Variants in CUX2 observed in about 807,000 individuals in gnomAD.
The protein encoded by CUX2 is cut like homeobox 2, also known as homeobox protein cut-like 2.
Under a neutral mutation model 144.8 loss-of-function variants are expected in CUX2, and 40 were observed. The ratio of observed to expected loss-of-function variants is 0.28; its 90% CI spans 0.21 to 0.36. CUX2 has a LOEUF of 0.36. CUX2 is among the 10% of genes least tolerant of loss of function. CUX2 has a pLI of 1.00. For missense variants in CUX2, 1,615 were observed against 1,994.0 expected, an observed-to-expected ratio of 0.81 and a Z score of 3.62; for synonymous variants, 827 against 875.6, an observed-to-expected ratio of 0.94 and a Z score of 0.98.
At chr12:111,162,315 T>A (rs1455604056) in intron 1 of CUX2, among the ~76,000 whole-genome samples, 1 of 152,182 alleles carries the variant, frequency 6.6e-6, no homozygotes, top group Non-Finnish European at 1.5e-5. Flanking sequence ...GAGGTGGGGT[T>A]TCGTCCTTGG....
intron 2 of CUX2, among the ~76,000 whole-genome samples, chr12:111,216,973 A>C (rs1881569644): frequency 6.6e-6 from 1 of 151,854 alleles, no homozygotes; most frequent in Non-Finnish European, 1.5e-5. Flanking sequence ...TCCCATGGGG[A>C]TTACTGGTAA....
Position 111,350,497 on chromosome 12 carries a change from T to C in CUX2, c.*2172T>C, listed in dbSNP as rs909499769. 4 of 152,376 alleles carry C rather than the reference T, an allele frequency of 2.6e-5. No homozygotes were observed. In the South Asian group the frequency reaches 6.2e-4, roughly 24 times the overall value. The allele number at this position is 152,376 out of a possible 1,614,324, so 9.4% of individuals were successfully genotyped here. On this transcript the variant is annotated 3_prime_UTR_variant, in exon 22 of 22. Transcript: ENST00000261726. Reference sequence around the variant, plus strand: ...AGAGATTGATGAACTTTGTTTAAAATTTTAAAAAAAGGAACACGTTCTGTA... The same window carrying C: ...AGAGATTGATGAACTTTGTTTAAAACTTTAAAAAAAGGAACACGTTCTGTA...
At chr12:111,241,759 T>C (rs1431762043) in intron 3 of CUX2, among the ~76,000 whole-genome samples, 1 of 152,292 alleles carries the variant, frequency 6.6e-6, no homozygotes, top group Non-Finnish European at 1.5e-5. Context: ...TCTTCCATGA[T>C]ACTGATCATC....
At chr12:111,276,271 A>T (rs1884868064) in intron 4 of CUX2, among the ~76,000 whole-genome samples, 1 of 152,114 alleles carries the variant, frequency 6.6e-6, no homozygotes, top group Non-Finnish European at 1.5e-5. Context: ...GGAGGATCAC[A>T]TGAGCCCAAG....
intron 1 of CUX2, among the ~76,000 whole-genome samples, chr12:111,119,254 G>T (rs1874482738): frequency 2.6e-5 from 4 of 152,106 alleles, no homozygotes; most frequent in Admixed American, 1.3e-4. Context: ...GTGCATGCCA[G>T]TCCCCATCTA....
In CUX2 at chr12:111,197,695, G is replaced by A. The variant is rs927634321; in HGVS notation, c.64-16505G>A. ...TTAAATGGCTTCATCCAGCTGGAGC[G>A]TGGCTGTGGCTCAGGCCAGTCTAAG... On this transcript the variant is annotated intron_variant, in intron 1 of 21. Coordinates refer to ENST00000261726, the MANE Select transcript of CUX2 (RefSeq NM_015267.4). Among the ~76,000 whole-genome samples, 10 of 152,190 alleles carry A rather than the reference G, an allele frequency of 6.6e-5. No homozygotes were observed. The East Asian group carries it at 1.3e-3, about 21-fold the overall frequency.
At position 111,171,832 on chromosome 12, in the gene CUX2, C is replaced by T. The variant is rs570519192; in HGVS notation, c.64-42368C>T. On this transcript the variant is annotated intron_variant, in intron 1 of 21. Coordinates refer to ENST00000261726, the MANE Select transcript of CUX2 (RefSeq NM_015267.4). The surrounding 1 kb of genome is among the most constrained non-coding windows in gnomAD (Gnocchi z 5.0). Reference sequence around the variant, plus strand: ...GGGAAATTGGCCCTCTGTCTTCTCCCATCCAGATATGTGGGTCCTGGGCCT... The same window carrying T: ...GGGAAATTGGCCCTCTGTCTTCTCCTATCCAGATATGTGGGTCCTGGGCCT... Among the ~76,000 whole-genome samples the T allele has an allele frequency of 6.6e-6, 1 of 152,342 alleles. No individual in the cohort carries two copies. The highest frequency in any genetic ancestry group is 2.4e-5 in the African/African-American group (1 of 41,584).
intron 1 of CUX2, among the ~76,000 whole-genome samples, chr12:111,114,144 C>T: frequency 6.6e-6 from 1 of 152,284 alleles, no homozygotes; most frequent in East Asian, 1.9e-4. Flanking sequence ...GCATGTTTAA[C>T]TTTTTAAGAG....
In CUX2 at chr12:111,322,889, G is replaced by A. The variant is rs1243729410; in HGVS notation, c.2926+309G>A. Among the ~76,000 whole-genome samples, 2 of 152,336 alleles carry A rather than the reference G, an allele frequency of 1.3e-5. No individual in the cohort carries two copies. Among genetic ancestry groups the A allele is most frequent in the Admixed American group, 1.3e-4 (2 of 15,298 alleles). ...AGCAGGTGGAGAATGTGTTTTGCAT[G>A]TGGAGTCCCACATCTGGAATTGCTC... On this transcript the variant is annotated intron_variant, in intron 18 of 21. Transcript: ENST00000261726. The surrounding 1 kb of genome is among the most constrained non-coding windows in gnomAD (Gnocchi z 4.2).
At chr12:111,272,270 G>A (rs371242468) in intron 4 of CUX2, among the ~76,000 whole-genome samples, 6 of 152,058 alleles carry the variant, frequency 3.9e-5, no homozygotes, top group South Asian at 2.1e-4. Flanking sequence ...GATTTTCTAC[G>A]ATTAGAAAGT....
intron 1 of CUX2, among the ~76,000 whole-genome samples, chr12:111,096,079 C>A (rs1420663399): frequency 6.6e-6 from 1 of 152,152 alleles, no homozygotes; most frequent in Non-Finnish European, 1.5e-5. Flanking sequence ...GCCAGGGGCT[C>A]AACAAGTGGC....
chr12:111,166,802 C>T (rs1271036502), intron 1 of CUX2, among the ~76,000 whole-genome samples: 2 of 152,190 alleles, frequency 1.3e-5, no homozygotes, highest in African/African-American at 4.8e-5. Flanking sequence ...GTCCTGACGG[C>T]ATCATCTGCT....
At chr12:111,217,393 A>G (rs577662558) in intron 2 of CUX2, among the ~76,000 whole-genome samples, 1 of 152,294 alleles carries the variant, frequency 6.6e-6, no homozygotes, top group Non-Finnish European at 1.5e-5. Context: ...GCTACAGGGT[A>G]GGGTCACGGA....
intron 1 of CUX2, among the ~76,000 whole-genome samples, 157 bp from the exon 2 acceptor site, chr12:111,214,043 A>G (rs1881380473): frequency 1.3e-5 from 2 of 151,926 alleles, no homozygotes; most frequent in Non-Finnish European, 2.9e-5. Flanking sequence ...TAAATTATTT[A>G]TTTGTGCCAG....
chr12:111,176,572 A>C (rs1042673011), intron 1 of CUX2, among the ~76,000 whole-genome samples: 1 of 152,082 alleles, frequency 6.6e-6, no homozygotes, highest in African/African-American at 2.4e-5. Flanking sequence ...CCCAAACATC[A>C]TTGCTCTTGT....
At chr12:111,156,877 T>C (rs1566260213) in intron 1 of CUX2, among the ~76,000 whole-genome samples, 1 of 149,174 alleles carries the variant, frequency 6.7e-6, no homozygotes, top group East Asian at 2.0e-4. Flanking sequence ...TCCCAGCTAC[T>C]TGGGAAGCTG....
chr12:111,053,489 T>C (rs1236452132), intron 1 of CUX2, among the ~76,000 whole-genome samples: 1 of 152,242 alleles, frequency 6.6e-6, no homozygotes, highest in Admixed American at 6.5e-5. Flanking sequence ...GAGTATTCTA[T>C]GAATCTGCCA....
chr12:111,328,521 A>G (rs1393190710), intron 18 of CUX2, among the ~76,000 whole-genome samples: 1 of 151,804 alleles, frequency 6.6e-6, no homozygotes, highest in Non-Finnish European at 1.5e-5. Context: ...GTCCCCATAC[A>G]CAGTCCCTGT....
In CUX2 at chr12:111,190,801, C is replaced by A. The variant is rs1879829905; in HGVS notation, c.64-23399C>A. 6.6e-6 allele frequency among the ~76,000 whole-genome samples: 1 copy of A among 151,854 alleles called. No homozygotes were observed. The highest frequency in any genetic ancestry group is 6.5e-5 in the Admixed American group (1 of 15,276). On this transcript the variant is annotated intron_variant, in intron 1 of 21. Coordinates refer to ENST00000261726, the MANE Select transcript of CUX2 (RefSeq NM_015267.4). This position sits in a 1 kb window ranked among gnomAD's most constrained non-coding sequence, Gnocchi z 4.0. The stretch of plus-strand genomic sequence containing the variant: ...TCTCTCACTGTTGGGTCTGCTGCTA[C>A]CCCAAAGCTGAATGCCCCGGCTTTT...
Sources: gnomAD v4.1 joint callset for allele counts (sites outside exome capture counted in the v4.1 genomes callset) on GRCh38, gnomAD v4.1.1 for gene constraint, Gnocchi (gnomAD v3.1) non-coding constraint, MANE v1.5 for transcripts, NCBI Gene and HGNC (gene_info 2026-07-23, HGNC 2026-07-21) for gene names.